TES: variants seen among roughly 807,000 people sequenced by gnomAD.
The protein encoded by TES is testin.
In TES, 41 loss-of-function variants were observed where a neutral mutation model predicts 48.2. The ratio of observed to expected loss-of-function variants is 0.85; its 90% CI spans 0.66 to 1.10. TES has a LOEUF of 1.10. TES is among the 50% of genes least tolerant of loss of function. The probability of loss-of-function intolerance (pLI) is 0.00; values close to 1 mark genes in which losing one functional copy is unlikely to be tolerated. For synonymous variants in TES, 162 were observed against 174.9 expected, an observed-to-expected ratio of 0.93 and a Z score of 0.58; for missense variants, 463 against 515.1, an observed-to-expected ratio of 0.90 and a Z score of 0.98.
chr7:116,214,264 G>T (rs932023646), intron 1 of TES, among the ~76,000 whole-genome samples: 2 of 152,104 alleles, frequency 1.3e-5, no homozygotes, highest in Non-Finnish European at 2.9e-5. Context: ...AGCCAAAAAA[G>T]CATAGTGAAA....
At chr7:116,230,907 C>T (rs2116591452) in intron 1 of TES, among the ~76,000 whole-genome samples, 1 of 152,330 alleles carries the variant, frequency 6.6e-6, no homozygotes, top group South Asian at 2.1e-4. Context: ...ACCTCTCCTT[C>T]AGCGAAGCTT....
At chr7:116,229,031 T>TAA (rs1799663095) in intron 1 of TES, among the ~76,000 whole-genome samples, 1 of 117,428 alleles carries the variant, frequency 8.5e-6, no homozygotes, top group African/African-American at 3.3e-5. Context: ...TATATATATA[T>TAA]ATAATCATTT....
At chr7:116,248,969 A>G in intron 2 of TES, 51 bp from the exon 3 acceptor site, 1 of 1,485,532 alleles carries the variant, frequency 6.7e-7, no homozygotes, top group Non-Finnish European at 9.0e-7. Flanking sequence ...TATGAACATA[A>G]ATATCAATTA....
chr7:116,258,533 T>C lies in TES; in HGVS notation c.*1051T>C, dbSNP rs1432799036. The C allele has an allele frequency of 6.6e-6, 1 of 152,128 alleles. No homozygotes were observed. Among genetic ancestry groups the C allele is most frequent in the East Asian group, 1.9e-4 (1 of 5,160 alleles). 9.4% of individuals were successfully genotyped at this position (152,128 alleles called of 1,614,324 possible). ...CCCAGAGACTATGATTTATATTGATTGCACTTGCCTGCCATGATTTAGATA... is the reference window on the plus strand; with the variant it reads ...CCCAGAGACTATGATTTATATTGATCGCACTTGCCTGCCATGATTTAGATA... On this transcript the variant is annotated 3_prime_UTR_variant, in exon 7 of 7. Transcript: ENST00000358204.
Position 116,250,213 on chromosome 7 carries a change from C to T in TES, c.419C>T (p.Ser140Leu). ...LPKEKQPVAG[S>L]EGAQYRKKQL... ...AAGGAAAAGCAGCCAGTAGCAGGCT[C>T]AGAGGGGGCACAGTACCGGAAGAAG... Residue 140 changes from serine to leucine, a missense_variant, in exon 4 of 7, where the codon TCA becomes TTA. Ser to Leu is a moderately radical substitution (Grantham distance 145). Coordinates refer to ENST00000358204, the MANE Select transcript of TES (RefSeq NM_015641.4). 3.1e-6 allele frequency: 5 copies of T among 1,587,992 alleles called. No homozygotes were observed. Among genetic ancestry groups the T allele is most frequent in the Non-Finnish European group, 4.3e-6 (5 of 1,169,262 alleles).
chr7:116,214,114 T>G (rs1378459875), intron 1 of TES, among the ~76,000 whole-genome samples: 1 of 152,170 alleles, frequency 6.6e-6, no homozygotes, highest in African/African-American at 2.4e-5. Flanking sequence ...TTTTGATTAA[T>G]CCTAATATTT....
intron 1 of TES, among the ~76,000 whole-genome samples, chr7:116,233,193 AAC>A (rs1275649959): frequency 2.0e-5 from 3 of 152,220 alleles, no homozygotes; most frequent in South Asian, 2.1e-4. Context: ...TGATATTTAA[AAC>A]ACAGAGTAAT....
intron 1 of TES, among the ~76,000 whole-genome samples, chr7:116,216,821 C>G (rs957905756): frequency 6.6e-6 from 1 of 151,770 alleles, no homozygotes. Context: ...TAGTGTGGGT[C>G]CCATAAGTCT....
At chr7:116,212,792 AC>A (rs1224744263) in intron 1 of TES, among the ~76,000 whole-genome samples, 3 of 152,002 alleles carry the variant, frequency 2.0e-5, no homozygotes, top group African/African-American at 7.2e-5. Context: ...TTTATCCCCC[AC>A]TTTACTTTTA....
rs74714269 is a variant in TES at position 116,258,561 on chromosome 7, AT to A, written c.*1087del. 0.33 allele frequency: 49,645 copies of A among 152,178 alleles called. 8,433 individuals carry two copies. Among genetic ancestry groups the A allele is most frequent in the East Asian group, 0.58 (2,970 of 5,140 alleles). 9.4% of individuals were successfully genotyped at this position (152,178 alleles called of 1,614,324 possible). On this transcript the variant is annotated 3_prime_UTR_variant, in exon 7 of 7. Transcript: ENST00000358204. Reference sequence around the variant, plus strand: ...ACTTGCCTGCCATGATTTAGATAAGATTTTTTTTGCATGGTTTTTATTCTTT... The same window carrying A: ...ACTTGCCTGCCATGATTTAGATAAGATTTTTTTGCATGGTTTTTATTCTTT...
chr7:116,229,807 T>C (rs1799674538), intron 1 of TES, among the ~76,000 whole-genome samples: 1 of 152,188 alleles, frequency 6.6e-6, no homozygotes, highest in African/African-American at 2.4e-5. Context: ...TATAATTCAA[T>C]CTGAAACTAG....
intron 2 of TES, among the ~76,000 whole-genome samples, chr7:116,243,688 C>G (rs1799882704): frequency 6.6e-6 from 1 of 152,186 alleles, no homozygotes; most frequent in Non-Finnish European, 1.5e-5. Context: ...TTTGAATATA[C>G]TATCTTAATA....
At chr7:116,250,556 T>C (rs1335003326) in intron 4 of TES, 60 bp downstream of exon 4, 3 of 1,330,972 alleles carry the variant, frequency 2.3e-6, no homozygotes, top group Non-Finnish European at 2.9e-6. Context: ...TTTTTTCCCT[T>C]ACTTTGAACT....
intron 1 of TES, among the ~76,000 whole-genome samples, chr7:116,233,753 G>T (rs1799730276): frequency 6.6e-6 from 1 of 152,122 alleles, no homozygotes; most frequent in Admixed American, 6.5e-5. Flanking sequence ...TCAAGTTCTG[G>T]AGGCTGGGAA....
At chr7:116,254,479 T>C (rs1800064693) in intron 6 of TES, among the ~76,000 whole-genome samples, 1 of 152,170 alleles carries the variant, frequency 6.6e-6, no homozygotes, top group Admixed American at 6.5e-5. Flanking sequence ...CTCACGCCTG[T>C]AATCCCAGCA....
In TES at chr7:116,252,333, G is replaced by A; in HGVS notation, c.934G>A (p.Glu312Lys). 1.2e-6 allele frequency: 2 copies of A among 1,612,228 alleles called. No individual in the cohort carries two copies. The highest frequency in any genetic ancestry group is 1.7e-5 in the Admixed American group (1 of 59,986). Residue 312 changes from glutamate to lysine, a missense_variant, in exon 6 of 7, where the codon GAG becomes AAG. Coordinates refer to ENST00000358204, the MANE Select transcript of TES (RefSeq NM_015641.4). ...TTCTTCCTAGCTGATATTCAGCAAT[G>A]AGTATACCCAGGCAGAAAACCAGAA... is the stretch of plus-strand genomic sequence containing the variant. Reference protein sequence around the residue: ...AGCDELIFSNEYTQAENQNWH... With the variant: ...AGCDELIFSNKYTQAENQNWH...
intron 1 of TES, chr7:116,217,972 T>G: frequency 2.1e-6 from 1 of 484,736 alleles, no homozygotes; most frequent in South Asian, 1.5e-5. Context: ...TTGGTCAAAT[T>G]CAAAAAAGTA....
chr7:116,249,332 A>G (rs1799971520), intron 3 of TES, 60 bp downstream of exon 3: 1 of 1,597,580 alleles, frequency 6.3e-7, no homozygotes, highest in Non-Finnish European at 8.5e-7. Context: ...TATTTGGGGC[A>G]GTTTCTTTGA....
intron 1 of TES, among the ~76,000 whole-genome samples, chr7:116,219,419 A>C (rs1799530677): frequency 6.6e-6 from 1 of 152,146 alleles, no homozygotes; most frequent in Non-Finnish European, 1.5e-5. Context: ...TATTTAATAC[A>C]TTGTGTCATC....
Sources: allele counts gnomAD v4.1 joint callset (sites outside exome capture counted in the v4.1 genomes callset), GRCh38; gene constraint gnomAD v4.1.1; transcripts MANE v1.5; gene names NCBI Gene and HGNC (gene_info 2026-07-23, HGNC 2026-07-21).